ABCB1: variants seen among roughly 807,000 people sequenced by gnomAD.
The protein encoded by ABCB1 is ATP binding cassette subfamily B member 1, also known as ATP-dependent translocase ABCB1.
A neutral mutation model predicts 142.0 loss-of-function variants in ABCB1; 69 were observed. The ratio of observed to expected loss-of-function variants is 0.49; its 90% CI spans 0.40 to 0.59. The LOEUF is 0.59. Ranked by LOEUF, ABCB1 falls within the 20% of genes least tolerant of loss-of-function variation. The probability of loss-of-function intolerance (pLI) is 0.00; values close to 1 mark genes in which losing one functional copy is unlikely to be tolerated. For missense variants in ABCB1, 1,326 were observed against 1,554.7 expected (o/e 0.85, Z 2.47); for synonymous variants, 532 against 539.2 (o/e 0.99, Z 0.18).
At chr7:87,652,646 A>ATATATAT (rs1563105075) in intron 1 of ABCB1, among the ~76,000 whole-genome samples, 16 of 147,188 alleles carry the variant, frequency 1.1e-4, no homozygotes, top group African/African-American at 2.5e-4. Context: ...ATATATATAT[A>ATATATAT]GTAGGAAGTA....
At chr7:87,585,391 G>A in intron 4 of ABCB1, 121 bp downstream of exon 4, 1 of 946,554 alleles carries the variant, frequency 1.1e-6, no homozygotes. Context: ...AACTCAGACT[G>A]TCTGCCTCCT....
Position 87,503,780 on chromosome 7 carries a change from A to C in ABCB1, c.*463T>G, listed in dbSNP as rs1469772257. The C allele has an allele frequency of 4.9e-6, 1 of 204,752 alleles. No homozygotes were observed. Among genetic ancestry groups the C allele is most frequent in the African/African-American group, 2.4e-5 (1 of 42,164 alleles). 12.7% of individuals were successfully genotyped at this position (204,752 alleles called of 1,614,324 possible). On this transcript the variant is annotated 3_prime_UTR_variant, in exon 28 of 28. Transcript: ENST00000622132. ...AAAATGAGTAGGTATATTTAAAGAA[A>C]ACTTTTTTAAAGCAGAAGTTATCTA...
Position 87,541,425 on chromosome 7 carries a change from T to C in ABCB1, c.2251A>G (p.Asn751Asp). 1 of 1,609,860 alleles carries C rather than the reference T, an allele frequency of 6.2e-7. No homozygotes were observed. The highest frequency in any genetic ancestry group is 8.5e-7 in the Non-Finnish European group (1 of 1,176,172). Residue 751 changes from asparagine (N) to aspartate (D), a missense_variant, in exon 18 of 28, where the codon AAT becomes GAT. Physicochemically the swap from Asn to Asp is conservative, Grantham distance 23 (BLOSUM62 1). Transcript: ENST00000622132. ...RIDDPETKRQ[N>D]SNLFSLLFLA... is the part of the protein sequence containing the mutation. The stretch of plus-strand genomic sequence containing the variant: ...AACAATAGTGAAAACAAGTTACTAT[T>C]CTGTCGTTTTGTTTCAGGATCATCA...
At chr7:87,570,087 G>A (rs1343727410) in intron 5 of ABCB1, 85 bp downstream of exon 5, 15 of 1,236,672 alleles carry the variant, frequency 1.2e-5, no homozygotes, top group Non-Finnish European at 1.8e-5. Context: ...TAAAATTTCT[G>A]TGATGATAAT....
chr7:87,694,143 A>T, intron 1 of ABCB1: 1 of 588,420 alleles, frequency 1.7e-6, no homozygotes, highest in Non-Finnish European at 2.1e-6. Flanking sequence ...GCTTATGCTA[A>T]TTTTAAAATT....
upstream of ABCB1, chr7:87,602,881 G>A (rs1344835682): frequency 6.6e-6 from 1 of 152,196 alleles, no homozygotes; most frequent in Non-Finnish European, 1.5e-5. Flanking sequence ...CACCAGTCTT[G>A]CATTTGTGCC....
intron 1 of ABCB1, among the ~76,000 whole-genome samples, chr7:87,635,001 A>G (rs1176920916): frequency 6.6e-6 from 1 of 152,180 alleles, no homozygotes; most frequent in Non-Finnish European, 1.5e-5. Context: ...AACTGCATTC[A>G]TATTAATTGA....
At chr7:87,591,948 G>A (rs930848648) in intron 3 of ABCB1, among the ~76,000 whole-genome samples, 5 of 152,136 alleles carry the variant, frequency 3.3e-5, no homozygotes, top group South Asian at 4.1e-4. Flanking sequence ...TCAGCAAACC[G>A]TGACATAACA....
chr7:87,561,169 G>T, intron 8 of ABCB1, 94 bp downstream of exon 8: 2 of 1,430,512 alleles, frequency 1.4e-6, no homozygotes, highest in Non-Finnish European at 1.9e-6. Flanking sequence ...ACATATATAT[G>T]GGAGAAAATG....
chr7:87,646,143 GT>G, intron 1 of ABCB1, among the ~76,000 whole-genome samples: 1 of 152,118 alleles, frequency 6.6e-6, no homozygotes, highest in Non-Finnish European at 1.5e-5. Flanking sequence ...GACATTTTAT[GT>G]TTTTATGACA....
chr7:87,673,747 G>A (rs1189705709), intron 1 of ABCB1, among the ~76,000 whole-genome samples: 1 of 152,170 alleles, frequency 6.6e-6, no homozygotes, highest in Non-Finnish European at 1.5e-5. Context: ...AACCATTGCT[G>A]GGAAACTAGG....
upstream of ABCB1, among the ~76,000 whole-genome samples, chr7:87,601,235 T>C (rs1430555564): frequency 6.6e-6 from 1 of 152,194 alleles, no homozygotes; most frequent in Non-Finnish European, 1.5e-5. Context: ...TTTAATACAG[T>C]TAATACAAAA....
intron 1 of ABCB1, among the ~76,000 whole-genome samples, chr7:87,646,073 G>A (rs140302965): frequency 0.011 from 1,681 of 152,158 alleles, 10 homozygotes; most frequent in Non-Finnish European, 0.018. Context: ...TTTGGACTTC[G>A]CTTTTGTTTT....
intron 21 of ABCB1, among the ~76,000 whole-genome samples, chr7:87,530,580 GA>G (rs1376623416): frequency 3.3e-5 from 5 of 150,556 alleles, no homozygotes; most frequent in Admixed American, 6.6e-5. Flanking sequence ...GTATGCAGGG[GA>G]AAAAAAAGAA....
chr7:87,705,441 C>T (rs78854352), intron 1 of ABCB1, among the ~76,000 whole-genome samples: 7,366 of 152,016 alleles, frequency 0.048, 268 homozygotes, highest in East Asian at 0.097. Context: ...ACAAACAAAA[C>T]AACAACAACA....
At chr7:87,677,337 A>G (rs888187709) in intron 1 of ABCB1, among the ~76,000 whole-genome samples, 2 of 135,916 alleles carry the variant, frequency 1.5e-5, no homozygotes, top group African/African-American at 6.4e-5. Flanking sequence ...TTCAGATTTA[A>G]AAAAAAAAAA....
chr7:87,612,344 T>C (rs760917244), intron 1 of ABCB1, among the ~76,000 whole-genome samples: 9 of 152,198 alleles, frequency 5.9e-5, no homozygotes, highest in Non-Finnish European at 1.3e-4. Flanking sequence ...CCCAGGCCAA[T>C]GTCCAGAAGA....
chr7:87,609,613 C>T (rs963899144), intron 1 of ABCB1, among the ~76,000 whole-genome samples: 6 of 152,264 alleles, frequency 3.9e-5, no homozygotes, highest in East Asian at 1.9e-4. Context: ...AGGGGACAGG[C>T]GCAATCATAT....
intron 1 of ABCB1, among the ~76,000 whole-genome samples, chr7:87,644,305 T>C (rs371861357): frequency 4.6e-5 from 7 of 152,232 alleles, no homozygotes; most frequent in African/African-American, 1.7e-4. Flanking sequence ...GTGTGGATTG[T>C]GTCATGTCTC....
Sources: gnomAD v4.1 joint callset for allele counts (sites outside exome capture counted in the v4.1 genomes callset) on GRCh38, gnomAD v4.1.1 for gene constraint, MANE v1.5 for transcripts, NCBI Gene and HGNC (gene_info 2026-07-23, HGNC 2026-07-21) for gene names.